The following HS6ST2 variants were observed in gnomAD, a reference collection of about 807,000 sequenced individuals.
HS6ST2 encodes the protein heparan sulfate 6-O-sulfotransferase 2.
A neutral mutation model predicts 33.0 loss-of-function variants in HS6ST2; 17 were observed. That is an observed-to-expected ratio of 0.52 (90% CI 0.35 to 0.77). The LOEUF is 0.77. Among genes scored for constraint, HS6ST2 ranks in the 30% least tolerant of loss-of-function variants. The pLI is 0.01. For synonymous variants in HS6ST2, 248 were observed against 237.1 expected (o/e 1.05, Z -0.42); for missense variants, 519 against 551.7 (o/e 0.94, Z 0.59).
At chrX:132,697,132 A>G (rs140031787) in intron 3 of HS6ST2, among the ~76,000 whole-genome samples, 45 of 112,551 alleles carry the variant, frequency 4.0e-4, no homozygotes, top group African/African-American at 1.4e-3. Context: ...CCAATCCTGT[A>G]GAATGTGACT....
At chrX:132,737,515 C>T (rs2064520789) in intron 2 of HS6ST2, among the ~76,000 whole-genome samples, 1 of 111,431 alleles carries the variant, frequency 9.0e-6, no homozygotes. Context: ...TAGTTCCTCC[C>T]ACCTTTAGCA....
At chrX:132,755,135 A>G (rs2064746952) in intron 2 of HS6ST2, among the ~76,000 whole-genome samples, 1 of 112,547 alleles carries the variant, frequency 8.9e-6, no homozygotes, top group Admixed American at 9.4e-5. Context: ...CCTGCACAAA[A>G]GATGTGTCTA....
chrX:132,770,685 G>A (rs1276180625), intron 2 of HS6ST2, among the ~76,000 whole-genome samples: 1 of 110,961 alleles, frequency 9.0e-6, no homozygotes, highest in Non-Finnish European at 1.9e-5. Context: ...GGGATGTATT[G>A]GGTAAGTCTT....
chrX:132,918,472 G>C (rs982554916), intron 2 of HS6ST2, among the ~76,000 whole-genome samples: 1 of 112,123 alleles, frequency 8.9e-6, no homozygotes, highest in African/African-American at 3.2e-5. Context: ...GCTATAGATG[G>C]ACAAAAAGCT....
At chrX:132,950,554 T>C (rs6638040) in intron 2 of HS6ST2, among the ~76,000 whole-genome samples, 9 of 112,029 alleles carry the variant, frequency 8.0e-5, no homozygotes, top group African/African-American at 2.9e-4. Flanking sequence ...TGTTTGTTTG[T>C]TTTAATCAGG....
At chrX:132,778,507 C>T (rs1423620403) in intron 2 of HS6ST2, among the ~76,000 whole-genome samples, 2 of 110,726 alleles carry the variant, frequency 1.8e-5, no homozygotes, top group East Asian at 2.8e-4. Flanking sequence ...TCAAGTGATT[C>T]TCCTGTCTCA....
intron 2 of HS6ST2, among the ~76,000 whole-genome samples, chrX:132,880,263 C>T (rs2066152594): frequency 9.0e-6 from 1 of 111,540 alleles, no homozygotes; most frequent in Admixed American, 9.6e-5. Context: ...AGGCCAGGTG[C>T]GGTGGCTCAT....
At chrX:132,717,198 C>T (rs771962770) in intron 2 of HS6ST2, among the ~76,000 whole-genome samples, 1 of 112,980 alleles carries the variant, frequency 8.9e-6, no homozygotes, top group Non-Finnish European at 1.9e-5. Flanking sequence ...GAGCTTAGGT[C>T]GCTGCTGAAG....
intron 4 of HS6ST2, among the ~76,000 whole-genome samples, chrX:132,653,900 A>G (rs243442): frequency 0.46 from 50,181 of 110,168 alleles, 10,134 homozygotes; most frequent in African/African-American, 0.79. Flanking sequence ...CAAGGAAGAT[A>G]GTTCTAACAT....
Position 132,870,418 on chromosome X carries a change from T to C in HS6ST2, c.947+86390A>G, listed in dbSNP as rs767352205. On this transcript the variant is annotated intron_variant, in intron 2 of 4. Coordinates refer to ENST00000370833, the MANE Select transcript of HS6ST2 (RefSeq NM_001394073.1). Reference sequence around the variant, plus strand: ...TCTTCACAGAATTGGAAAAAACTACTTTCAAGTTCATATGGAACAAAAAAA... The same window carrying C: ...TCTTCACAGAATTGGAAAAAACTACCTTCAAGTTCATATGGAACAAAAAAA... Among the ~76,000 whole-genome samples the C allele has an allele frequency of 2.7e-5, 3 of 112,003 alleles. No homozygotes were observed. The Admixed American group carries it at 2.9e-4, about 11-fold the overall frequency.
chrX:132,863,311 CT>C lies in HS6ST2; in HGVS notation c.947+93496del, dbSNP rs763613528. 9.9e-5 allele frequency among the ~76,000 whole-genome samples: 11 copies of C among 110,725 alleles called. No individual in the cohort carries two copies. The East Asian group carries it at 2.8e-3, about 29-fold the overall frequency. Reference sequence around the variant, plus strand: ...CTTATACATTTGCCTGTTTTTTCCACTTTTATTACATATTTATTTATTTAAA... The same window carrying C: ...CTTATACATTTGCCTGTTTTTTCCACTTTATTACATATTTATTTATTTAAA... On this transcript the variant is annotated intron_variant, in intron 2 of 4. Coordinates refer to ENST00000370833, the MANE Select transcript of HS6ST2 (RefSeq NM_001394073.1).
chrX:132,776,078 G>GT (rs1569489507), intron 2 of HS6ST2, among the ~76,000 whole-genome samples: 2 of 105,387 alleles, frequency 1.9e-5, no homozygotes, highest in Non-Finnish European at 3.9e-5. Context: ...TGAAAAAAAA[G>GT]TTTTTTCCAG....
chrX:132,767,020 C>T (rs2064854900), intron 2 of HS6ST2, among the ~76,000 whole-genome samples: 2 of 111,833 alleles, frequency 1.8e-5, no homozygotes, highest in African/African-American at 6.5e-5. Flanking sequence ...CTGACCTCAA[C>T]GACCTGATTA....
rs149199846 is a variant in HS6ST2, at chrX:132,756,525, A to T, written c.948-48031T>A. Reference sequence around the variant, plus strand: ...CTTTCCCCCTTTCTTGATCTCTTGCACTCTCTTGCTTTTGCTCGCCCAGCC... The same window carrying T: ...CTTTCCCCCTTTCTTGATCTCTTGCTCTCTCTTGCTTTTGCTCGCCCAGCC... On this transcript the variant is annotated intron_variant, in intron 2 of 4. Coordinates refer to ENST00000370833, the MANE Select transcript of HS6ST2 (RefSeq NM_001394073.1). Among the ~76,000 whole-genome samples the T allele has an allele frequency of 3.7e-3, 383 of 104,260 alleles. 1 individual carries two copies. The highest frequency in any genetic ancestry group is 0.013 in the African/African-American group (356 of 28,285). The allele number at this position is 104,260 out of a possible 115,157, so 90.5% of individuals were successfully genotyped here.
intron 2 of HS6ST2, among the ~76,000 whole-genome samples, chrX:132,921,003 T>A (rs1233934121): frequency 1.8e-5 from 2 of 112,757 alleles, no homozygotes; most frequent in Non-Finnish European, 3.7e-5. Flanking sequence ...AGATATCATC[T>A]TGGCTGCAGT....
chrX:132,754,597 T>C (rs1480317877), intron 2 of HS6ST2, among the ~76,000 whole-genome samples: 1 of 109,630 alleles, frequency 9.1e-6, no homozygotes, highest in African/African-American at 3.3e-5. Context: ...TTTTATATTT[T>C]TAGTAGAGAC....
At chrX:132,864,019 G>A (rs2065941545) in intron 2 of HS6ST2, among the ~76,000 whole-genome samples, 1 of 111,196 alleles carries the variant, frequency 9.0e-6, no homozygotes, top group Non-Finnish European at 1.9e-5. Context: ...CTGACTGTCA[G>A]AAGGAAAACT....
At chrX:132,640,610 A>C (rs972761898) in intron 4 of HS6ST2, among the ~76,000 whole-genome samples, 7 of 111,619 alleles carry the variant, frequency 6.3e-5, no homozygotes, top group Admixed American at 4.8e-4. Context: ...CATCAGCAAC[A>C]TGTGACTACT....
intron 2 of HS6ST2, among the ~76,000 whole-genome samples, chrX:132,919,227 G>C (rs1602872689): frequency 8.9e-6 from 1 of 112,184 alleles, no homozygotes; most frequent in East Asian, 2.8e-4. Context: ...CAAGTGGCTA[G>C]AATATTCACT....
Sources: gnomAD v4.1 joint callset for allele counts (sites outside exome capture counted in the v4.1 genomes callset) on GRCh38, gnomAD v4.1.1 for gene constraint, MANE v1.5 for transcripts, NCBI Gene and HGNC (gene_info 2026-07-23, HGNC 2026-07-21) for gene names.